Variants in BHLHE40 observed in about 807,000 individuals in gnomAD.
BHLHE40 encodes class E basic helix-loop-helix protein 40.
In BHLHE40, 3 loss-of-function variants were observed where a neutral mutation model predicts 35.7. The observed-to-expected ratio is 0.08, with a 90% CI of 0.04 to 0.22. The LOEUF (loss-of-function observed/expected upper bound fraction) is 0.22. Ranked by LOEUF, BHLHE40 falls within the 10% of genes least tolerant of loss-of-function variation. BHLHE40 has a pLI of 1.00. For missense variants in BHLHE40, 486 were observed against 524.0 expected (o/e 0.93, Z 0.71); for synonymous variants, 236 against 213.0 (o/e 1.11, Z -0.94).
At chr3:4,980,062 C>T (rs1414982986) in intron 2 of BHLHE40, 31 bp downstream of exon 2, 1 of 1,609,428 alleles carries the variant, frequency 6.2e-7, no homozygotes, top group East Asian at 2.2e-5. Flanking sequence ...GGACCCTGCG[C>T]TCAGCCCCTC....
chr3:4,980,146 C>A (rs1335815796), intron 2 of BHLHE40, 115 bp downstream of exon 2: 3 of 1,207,638 alleles, frequency 2.5e-6, no homozygotes, highest in East Asian at 2.4e-5. Flanking sequence ...GGGCTCGGTG[C>A]CTCTTCTGAG....
chr3:4,983,246 C>A lies in BHLHE40; in HGVS notation c.793C>A (p.His265Asn), dbSNP rs753020869. The A allele has an allele frequency of 1.2e-6, 2 of 1,614,194 alleles. No individual in the cohort carries two copies. Residue 265 changes from histidine to asparagine, a missense_variant, in exon 5 of 5, where the codon CAC becomes AAC. By Grantham distance (68) the His-to-Asn change is moderately conservative. Transcript: ENST00000256495. This position sits in a 1 kb window ranked among gnomAD's most constrained non-coding sequence, Gnocchi z 5.0. ...RSEQPCFKSD[H>N]GRRFTMGERI... ...TGAGCAGCCGTGCTTCAAAAGTGACCACGGACGCAGGTTCACGATGGGAGA... is the reference window on the plus strand; with the variant it reads ...TGAGCAGCCGTGCTTCAAAAGTGACAACGGACGCAGGTTCACGATGGGAGA...
chr3:4,979,790 C>T lies in BHLHE40; in HGVS notation c.72C>T (p.Asp24=). The T allele has an allele frequency of 3.8e-6, 6 of 1,589,960 alleles. No individual in the cohort carries two copies. The South Asian group carries it at 6.8e-5, about 18-fold the overall frequency. Residue 24 remains aspartate, a synonymous_variant, in exon 1 of 5, where the codon GAC becomes GAT. Coordinates refer to ENST00000256495, the MANE Select transcript of BHLHE40 (RefSeq NM_003670.3). ...AAGCACCGGGACTGGAGCACGGAGA[C>T]CTACCAGGGTAAGTTGGCACTCCTT... ...LPKAPGLEHG[D]LPGMYPAHMY...
In BHLHE40 at chr3:4,979,742, A is replaced by G. The variant is rs776510674; in HGVS notation, c.24A>G (p.Gln8=). The G allele has an allele frequency of 1.8e-5, 28 of 1,572,294 alleles. No individual in the cohort carries two copies. The South Asian group carries it at 2.8e-4, about 16-fold the overall frequency. Residue 8 remains glutamine (Q), a synonymous_variant, in exon 1 of 5, where the codon CAA becomes CAG. Transcript: ENST00000256495. Reference sequence around the variant, plus strand: ...CCATGGAGCGGATCCCCAGCGCGCAACCACCCCCCGCCTGCCTGCCCAAAG... The same window carrying G: ...CCATGGAGCGGATCCCCAGCGCGCAGCCACCCCCCGCCTGCCTGCCCAAAG... The part of the protein sequence containing the change: MERIPSA[Q]PPPACLPKAP...
rs1039402178 is a variant in BHLHE40, at chr3:4,979,614, A to G, written c.-105A>G. On this transcript the variant is annotated 5_prime_UTR_variant, in exon 1 of 5. Coordinates refer to ENST00000256495, the MANE Select transcript of BHLHE40 (RefSeq NM_003670.3). ...GGGATTTCAAAGAGCTCAGACTCAG[A>G]GGAACATCTGCGGAGAGACCCCCGA... 5.1e-6 allele frequency: 6 copies of G among 1,179,840 alleles called. No individual in the cohort carries two copies. The African/African-American group carries it at 7.7e-5, about 15-fold the overall frequency. The allele number at this position is 1,179,840 out of a possible 1,614,324, so 73.1% of individuals were successfully genotyped here. A position where few individuals can be genotyped will look rare whatever the true frequency, so the allele number is the denominator to read the frequency against.
rs1442058949 is a variant in BHLHE40, at chr3:4,983,698, C to CT, written c.*7dup. On this transcript the variant is annotated 3_prime_UTR_variant, in exon 5 of 5. Transcript: ENST00000256495. The surrounding 1 kb of genome is among the most constrained non-coding windows in gnomAD (Gnocchi z 5.0). ...ACTTAGAAACCAAAGACTAAACTCT[C>CT]TAGGGGATCCTGCTGCTTTGCTTTC... 33 of 1,577,158 alleles carry CT rather than the reference C, an allele frequency of 2.1e-5. No individual in the cohort carries two copies. Among genetic ancestry groups the CT allele is most frequent in the Non-Finnish European group, 2.8e-5 (33 of 1,163,174 alleles).
intron 1 of BHLHE40, 73 bp from the exon 2 acceptor site, chr3:4,979,889 A>G (rs1205993945): frequency 6.2e-7 from 1 of 1,608,122 alleles, no homozygotes; most frequent in East Asian, 2.2e-5. Flanking sequence ...GCGCACCGGG[A>G]GGTTCTTGCC....
In BHLHE40 at chr3:4,979,753, C is replaced by A; in HGVS notation, c.35C>A (p.Ala12Asp). Residue 12 changes from alanine to aspartate, a missense_variant, in exon 1 of 5, where the codon GCC becomes GAC. Coordinates refer to ENST00000256495, the MANE Select transcript of BHLHE40 (RefSeq NM_003670.3). ...ATCCCCAGCGCGCAACCACCCCCCG[C>A]CTGCCTGCCCAAAGCACCGGGACTG... ...ERIPSAQPPP[A>D]CLPKAPGLEH... is the part of the protein sequence containing the mutation. The A allele has an allele frequency of 6.3e-7, 1 of 1,581,096 alleles. No homozygotes were observed.
At chr3:4,979,826 G>A (rs73106063) in intron 1 of BHLHE40, 28 bp downstream of exon 1, 8 of 1,590,526 alleles carry the variant, frequency 5.0e-6, no homozygotes, top group Non-Finnish European at 5.1e-6. Flanking sequence ...GGCCCTTCAA[G>A]CCTCAACTGC....
At position 4,983,622 on chromosome 3, in the gene BHLHE40, C is replaced by T. The variant is rs760273858; in HGVS notation, c.1169C>T (p.Ser390Phe). The T allele has an allele frequency of 1.9e-6, 3 of 1,614,186 alleles. No homozygotes were observed. The highest frequency in any genetic ancestry group is 2.5e-6 in the Non-Finnish European group (3 of 1,180,042). Residue 390 changes from serine (S) to phenylalanine (F), a missense_variant, in exon 5 of 5, where the codon TCC (serine) becomes TTC (phenylalanine). By Grantham distance (155) the Ser-to-Phe change is radical. This residue lies in a region of BHLHE40 where 206 missense variants were observed against 208.9 expected (regional missense o/e 0.99). Transcript: ENST00000256495. This position sits in a 1 kb window ranked among gnomAD's most constrained non-coding sequence, Gnocchi z 5.0. The stretch of plus-strand genomic sequence containing the variant: ...CCTTCTCCCTTGCCAGCTCATCCGT[C>T]CGTCGACTCTTCTGTCTTGCTCCAA... ...RLPSPLPAHP[S>F]VDSSVLLQAL...
chr3:4,983,367 A>C lies in BHLHE40; in HGVS notation c.914A>C (p.Asp305Ala), dbSNP rs1286528035. The C allele has an allele frequency of 6.2e-7, 1 of 1,613,996 alleles. No homozygotes were observed. The highest frequency in any genetic ancestry group is 8.5e-7 in the Non-Finnish European group (1 of 1,180,032). The change falls in exon 5 of 5, where the codon GAC becomes GCC. Residue 305 changes from aspartate to alanine, a missense_variant. Transcript: ENST00000256495. This position sits in a 1 kb window ranked among gnomAD's most constrained non-coding sequence, Gnocchi z 5.0. ...GATGAAGGCCATTTCACTAGCAGTGACCTGATCAGCTCCCCGTTCCTGGGC... is the reference window on the plus strand; with the variant it reads ...GATGAAGGCCATTTCACTAGCAGTGCCCTGATCAGCTCCCCGTTCCTGGGC... The part of the protein sequence containing the change: ...SDDEGHFTSS[D>A]LISSPFLGPH...
chr3:4,982,756 C>T (rs934181679), intron 4 of BHLHE40, 80 bp from the exon 5 acceptor site: 2 of 1,520,170 alleles, frequency 1.3e-6, no homozygotes, highest in African/African-American at 1.4e-5. Context: ...AAAACTAAAG[C>T]ACCTGGTTTT....
intron 4 of BHLHE40, 72 bp from the exon 5 acceptor site, chr3:4,982,764 T>G: frequency 1.9e-6 from 3 of 1,562,712 alleles, no homozygotes; most frequent in Non-Finnish European, 1.7e-6. Flanking sequence ...AGCACCTGGT[T>G]TTTTGGAGTA....
rs779438826 is a variant in BHLHE40, at chr3:4,983,967, T to C, written c.*275T>C. The stretch of plus-strand genomic sequence containing the variant: ...TTGACATCAGGAGACTTGGGGGGGA[T>C]TGTAGCAGACGTCTGGGCTTTTCCC... On this transcript the variant is annotated 3_prime_UTR_variant, in exon 5 of 5. Coordinates refer to ENST00000256495, the MANE Select transcript of BHLHE40 (RefSeq NM_003670.3). The surrounding 1 kb of genome is among the most constrained non-coding windows in gnomAD (Gnocchi z 5.0). The C allele has an allele frequency of 5.0e-5, 22 of 437,960 alleles. No homozygotes were observed. The highest frequency in any genetic ancestry group is 8.5e-5 in the Non-Finnish European group (21 of 246,282). 27.1% of individuals were successfully genotyped at this position (437,960 alleles called of 1,614,324 possible). A position where few individuals can be genotyped will look rare whatever the true frequency, so the allele number is the denominator to read the frequency against.
At position 4,983,247 on chromosome 3, in the gene BHLHE40, A is replaced by G; in HGVS notation, c.794A>G (p.His265Arg). ...RSEQPCFKSD[H>R]GRRFTMGERI... Reference sequence around the variant, plus strand: ...GAGCAGCCGTGCTTCAAAAGTGACCACGGACGCAGGTTCACGATGGGAGAA... The same window carrying G: ...GAGCAGCCGTGCTTCAAAAGTGACCGCGGACGCAGGTTCACGATGGGAGAA... The change falls in exon 5 of 5, where the codon CAC becomes CGC. Residue 265 changes from histidine (H) to arginine (R), a missense_variant. Coordinates refer to ENST00000256495, the MANE Select transcript of BHLHE40 (RefSeq NM_003670.3). The surrounding 1 kb of genome is among the most constrained non-coding windows in gnomAD (Gnocchi z 5.0). 6.2e-7 allele frequency: 1 copy of G among 1,614,198 alleles called. No homozygotes were observed. Among genetic ancestry groups the G allele is most frequent in the Non-Finnish European group, 8.5e-7 (1 of 1,180,036 alleles).
rs536311647 is a variant in BHLHE40 at position 4,980,223 on chromosome 3, A to C, written c.151-78A>C. ...CTCTGCTACTCTGCTCCTCTGCCGG[A>C]CTGTTGCTGCGGGGCTGGGAGGATA... On this transcript the variant is annotated intron_variant, in intron 2 of 4. Transcript: ENST00000256495. 135 of 1,329,786 alleles carry C rather than the reference A, an allele frequency of 1.0e-4. No individual in the cohort carries two copies. In the East Asian group the frequency reaches 3.0e-3, roughly 29 times the overall value. 82.4% of individuals were successfully genotyped at this position (1,329,786 alleles called of 1,614,324 possible).
At position 4,983,213 on chromosome 3, in the gene BHLHE40, T is replaced by C; in HGVS notation, c.760T>C (p.Leu254=). ...GYGGESEKGD[L]RSEQPCFKSD... ...TGGAGGAGAATCGGAGAAGGGCGAC[T>C]TGCGCAGTGAGCAGCCGTGCTTCAA... is the stretch of plus-strand genomic sequence containing the variant. The change falls in exon 5 of 5, where the codon TTG becomes CTG. Residue 254 remains leucine (L), a synonymous_variant. Transcript: ENST00000256495. The surrounding 1 kb of genome is among the most constrained non-coding windows in gnomAD (Gnocchi z 5.0). 6.2e-7 allele frequency: 1 copy of C among 1,614,168 alleles called. No homozygotes were observed. The highest frequency in any genetic ancestry group is 1.1e-5 in the South Asian group (1 of 91,088).
In BHLHE40 at chr3:4,984,032, T is replaced by C. The variant is rs903720973; in HGVS notation, c.*340T>C. On this transcript the variant is annotated 3_prime_UTR_variant, in exon 5 of 5. Coordinates refer to ENST00000256495, the MANE Select transcript of BHLHE40 (RefSeq NM_003670.3). ...CCCCCTTCGATACACATCAGCTGGATTTTCAAAAGCTTCAAAGTCTTGGTC... is the reference window on the plus strand; with the variant it reads ...CCCCCTTCGATACACATCAGCTGGACTTTCAAAAGCTTCAAAGTCTTGGTC... 1.3e-5 allele frequency: 3 copies of C among 230,870 alleles called. No homozygotes were observed. Among genetic ancestry groups the C allele is most frequent in the African/African-American group, 4.6e-5 (2 of 43,920 alleles). The allele number at this position is 230,870 out of a possible 1,614,324, so 14.3% of individuals were successfully genotyped here.
In BHLHE40 at chr3:4,979,776, C is replaced by T; in HGVS notation, c.58C>T (p.Leu20=). ...PPACLPKAPG[L]EHGDLPGMYP... ...CGCCTGCCTGCCCAAAGCACCGGGA[C>T]TGGAGCACGGAGACCTACCAGGGTA... The change falls in exon 1 of 5, where the codon CTG becomes TTG. Residue 20 remains leucine, a synonymous_variant. Transcript: ENST00000256495. 1 of 1,590,172 alleles carries T rather than the reference C, an allele frequency of 6.3e-7. No homozygotes were observed. The highest frequency in any genetic ancestry group is 8.6e-7 in the Non-Finnish European group (1 of 1,168,212).
Sources: allele counts gnomAD v4.1 joint callset, GRCh38; gene constraint gnomAD v4.1.1; regional missense constraint gnomAD v4.1.1; non-coding constraint Gnocchi (gnomAD v3.1); transcripts MANE v1.5; gene names NCBI Gene and HGNC (gene_info 2026-07-23, HGNC 2026-07-21).